USP34: variants seen among roughly 807,000 people sequenced by gnomAD.
USP34 encodes ubiquitin carboxyl-terminal hydrolase 34.
Under a neutral mutation model 460.3 loss-of-function variants are expected in USP34, and 70 were observed. The ratio of observed to expected loss-of-function variants is 0.15; its 90% CI spans 0.13 to 0.19. The LOEUF is 0.19. Ranked by LOEUF, USP34 falls within the 10% of genes least tolerant of loss-of-function variation. USP34 has a pLI of 1.00. For synonymous variants in USP34, 1,647 were observed against 1,405.3 expected, an observed-to-expected ratio of 1.17 and a Z score of -3.85; for missense variants, 3,985 against 4,236.2, an observed-to-expected ratio of 0.94 and a Z score of 1.65.
chr2:61,229,466 A>C (rs1413534931), intron 59 of USP34, 82 bp downstream of exon 59: 33 of 646,646 alleles, frequency 5.1e-5, no homozygotes, highest in East Asian at 2.8e-4. Flanking sequence ...TTAAAAAAAA[A>C]AAAAAAAAAC....
At chr2:61,265,069 A>G (rs1447453469) in intron 43 of USP34, among the ~76,000 whole-genome samples, 2 of 152,252 alleles carry the variant, frequency 1.3e-5, no homozygotes, top group African/African-American at 4.8e-5. Flanking sequence ...TGTAATAAAA[A>G]TATGTATTTA....
chr2:61,412,911 A>C (rs1291935094), intron 2 of USP34, among the ~76,000 whole-genome samples: 2 of 151,736 alleles, frequency 1.3e-5, no homozygotes, highest in African/African-American at 4.8e-5. Context: ...AAAAGAGAGA[A>C]TATGAAAAGG....
intron 15 of USP34, 30 bp from the exon 16 acceptor site, chr2:61,344,059 T>C (rs370416249): frequency 2.2e-5 from 35 of 1,597,010 alleles, no homozygotes; most frequent in Middle Eastern, 1.7e-4. Flanking sequence ...ACAAAGTTAG[T>C]AATTACGAAT....
chr2:61,443,953 G>A (rs539439800), intron 1 of USP34, among the ~76,000 whole-genome samples: 1 of 152,180 alleles, frequency 6.6e-6, no homozygotes, highest in African/African-American at 2.4e-5. Context: ...GCTCAATTTT[G>A]GTGTGAACTA....
At chr2:61,433,828 C>A (rs1295593743) in intron 1 of USP34, among the ~76,000 whole-genome samples, 3 of 152,152 alleles carry the variant, frequency 2.0e-5, no homozygotes, top group Non-Finnish European at 4.4e-5. Context: ...AGAGCCACCT[C>A]TGGAGTGCAC....
chr2:61,470,556 G>C, intron 1 of USP34, 94 bp downstream of exon 1: 1 of 847,894 alleles, frequency 1.2e-6, no homozygotes, highest in Non-Finnish European at 1.9e-6. Context: ...CCCGGCCGTC[G>C]CCTCCCGCAG....
At chr2:61,225,818 C>T (rs1459426691) in intron 62 of USP34, among the ~76,000 whole-genome samples, 5 of 152,170 alleles carry the variant, frequency 3.3e-5, no homozygotes, top group African/African-American at 4.8e-5. Flanking sequence ...GATTCATTAA[C>T]GTTTAACTCA....
In USP34 at chr2:61,416,994, G is replaced by A. The variant is rs547193409; in HGVS notation, c.131+3752C>T. 2.5e-4 allele frequency: 330 copies of A among 1,318,830 alleles called. 1 individual carries two copies. The African/African-American group carries it at 3.9e-3, about 16-fold the overall frequency. 81.7% of individuals were successfully genotyped at this position (1,318,830 alleles called of 1,614,324 possible). A position where few individuals can be genotyped will look rare whatever the true frequency, so the allele number is the denominator to read the frequency against. On this transcript the variant is annotated intron_variant, in intron 2 of 79. Coordinates refer to ENST00000398571, the MANE Select transcript of USP34 (RefSeq NM_014709.4). Reference sequence around the variant, plus strand: ...CAGCCACCATATCTTCAAATTCATCGGCATTGAACTTGGTGAAGCCCCACT... The same window carrying A: ...CAGCCACCATATCTTCAAATTCATCAGCATTGAACTTGGTGAAGCCCCACT...
At chr2:61,384,051 C>G (rs1170493091) in intron 5 of USP34, among the ~76,000 whole-genome samples, 1 of 152,028 alleles carries the variant, frequency 6.6e-6, no homozygotes, top group African/African-American at 2.4e-5. Context: ...CTCATCATTC[C>G]TTCCTAAAAT....
chr2:61,204,426 TCTC>T, intron 73 of USP34, 46 bp from the exon 74 acceptor site: 1 of 1,613,318 alleles, frequency 6.2e-7, no homozygotes, highest in Non-Finnish European at 8.5e-7. Context: ...AAAAAATAAA[TCTC>T]CATGCTTCAG....
At chr2:61,246,672 G>A (rs187203620) in intron 49 of USP34, among the ~76,000 whole-genome samples, 195 bp from the exon 50 acceptor site, 2,018 of 152,074 alleles carry the variant, frequency 0.013, 22 homozygotes, top group Non-Finnish European at 0.021. Context: ...GGCACAAATA[G>A]TTTATATGTT....
intron 1 of USP34, among the ~76,000 whole-genome samples, chr2:61,468,796 G>A (rs1178677888): frequency 2.0e-5 from 3 of 151,970 alleles, no homozygotes; most frequent in East Asian, 1.9e-4. Context: ...AAGTTCTAGG[G>A]GTTTCCCAGA....
intron 30 of USP34, 116 bp downstream of exon 30, chr2:61,296,684 G>A (rs1690040798): frequency 1.8e-6 from 2 of 1,130,836 alleles, no homozygotes; most frequent in Admixed American, 2.8e-5. Context: ...TACTATATGG[G>A]TAAAAACTAT....
In USP34 at chr2:61,220,428, T is replaced by C. The variant is rs1687526420; in HGVS notation, c.7929A>G (p.Leu2643=). Residue 2643 remains leucine (L), a synonymous_variant, in exon 67 of 80, where the codon CTA becomes CTG. Coordinates refer to ENST00000398571, the MANE Select transcript of USP34 (RefSeq NM_014709.4). ...EVIEYNPSQC[L]DWLAVQTPRN... Reference sequence around the variant, plus strand: ...GGGGTGTCTGCACTGCCAACCAATCTAGACACTGAGAAGGATTGTATTCAA... The same window carrying C: ...GGGGTGTCTGCACTGCCAACCAATCCAGACACTGAGAAGGATTGTATTCAA... 1 of 1,613,492 alleles carries C rather than the reference T, an allele frequency of 6.2e-7. No homozygotes were observed. Among genetic ancestry groups the C allele is most frequent in the Admixed American group, 1.7e-5 (1 of 59,924 alleles).
intron 16 of USP34, among the ~76,000 whole-genome samples, chr2:61,342,270 CTG>C (rs1304939417): frequency 6.8e-6 from 1 of 147,484 alleles, no homozygotes; most frequent in Non-Finnish European, 1.5e-5. Flanking sequence ...ACAAGAGACA[CTG>C]AGAGTGTACT....
intron 3 of USP34, among the ~76,000 whole-genome samples, chr2:61,401,395 G>A (rs187004035): frequency 8.6e-5 from 13 of 151,608 alleles, no homozygotes; most frequent in Admixed American, 2.6e-4. Flanking sequence ...GCACCACTAC[G>A]CCCAGTTAAT....
chr2:61,346,964 C>A (rs1043614504), intron 15 of USP34, among the ~76,000 whole-genome samples: 1 of 151,514 alleles, frequency 6.6e-6, no homozygotes, highest in Non-Finnish European at 1.5e-5. Flanking sequence ...ACGGTGAAAC[C>A]CCATCTCTAC....
In USP34 at chr2:61,265,540, A is replaced by C. The variant is rs1689020639; in HGVS notation, c.5635T>G (p.Trp1879Gly). The C allele has an allele frequency of 6.2e-7, 1 of 1,609,708 alleles. No homozygotes were observed. Among genetic ancestry groups the C allele is most frequent in the Non-Finnish European group, 8.5e-7 (1 of 1,176,824 alleles). Residue 1879 changes from tryptophan to glycine, a missense_variant, in exon 43 of 80, where the codon TGG (tryptophan) becomes GGG (glycine). By Grantham distance (184) the Trp-to-Gly change is radical (BLOSUM62 -2). This residue lies in a region of USP34 where 1,114 missense variants were observed against 1,122.5 expected (regional missense o/e 0.99). Transcript: ENST00000398571. ...QHMQSHAPYK[W>G]DYWPHEDVRA... Reference sequence around the variant, plus strand: ...ACATCTTCATGAGGCCAGTAATCCCATTTATAAGGTGCATGGGCTGCTGAA... The same window carrying C: ...ACATCTTCATGAGGCCAGTAATCCCCTTTATAAGGTGCATGGGCTGCTGAA...
Position 61,394,923 on chromosome 2 carries a change from C to A in USP34, c.683G>T (p.Cys228Phe). 1 of 1,606,984 alleles carries A rather than the reference C, an allele frequency of 6.2e-7. No homozygotes were observed. The highest frequency in any genetic ancestry group is 1.1e-5 in the South Asian group (1 of 89,442). The change falls in exon 5 of 80, where the codon TGC (cysteine) becomes TTC (phenylalanine). Residue 228 changes from cysteine (C) to phenylalanine (F), a missense_variant. Coordinates refer to ENST00000398571, the MANE Select transcript of USP34 (RefSeq NM_014709.4). Reference protein sequence around the residue: ...GKNGLSLMKDCFEYGTPETLP... With the variant: ...GKNGLSLMKDFFEYGTPETLP... The stretch of plus-strand genomic sequence containing the variant: ...AGTTTCAGGAGTTCCATATTCAAAG[C>A]AATCCTTCATGAGAGAAAGGCCATT...
Sources: allele counts gnomAD v4.1 joint callset (sites outside exome capture counted in the v4.1 genomes callset), GRCh38; gene constraint gnomAD v4.1.1; regional missense constraint gnomAD v4.1.1; transcripts MANE v1.5; gene names NCBI Gene and HGNC (gene_info 2026-07-23, HGNC 2026-07-21).